The following DBT variants were observed in gnomAD, a reference collection of about 807,000 sequenced individuals.
The protein encoded by DBT is lipoamide acyltransferase component of branched-chain alpha-keto acid dehydrogenase complex, mitochondrial.
A neutral mutation model predicts 51.3 loss-of-function variants in DBT; 40 were observed. The observed-to-expected ratio is 0.78, with a 90% CI of 0.61 to 1.02. The LOEUF (loss-of-function observed/expected upper bound fraction) is 1.02. Among genes scored for constraint, DBT ranks in the 50% least tolerant of loss-of-function variants. DBT has a pLI of 0.00. For synonymous variants in DBT, 181 were observed against 190.4 expected (o/e 0.95, Z 0.41); for missense variants, 510 against 580.2 (o/e 0.88, Z 1.24).
chr1:100,244,818 A>C (rs1201307503), intron 1 of DBT, among the ~76,000 whole-genome samples: 1 of 152,156 alleles, frequency 6.6e-6, no homozygotes, highest in Admixed American at 6.5e-5. Flanking sequence ...TACTGTGCTC[A>C]CCTATTTTCA....
intron 8 of DBT, among the ~76,000 whole-genome samples, chr1:100,209,686 T>A (rs904411748): frequency 6.6e-6 from 1 of 152,096 alleles, no homozygotes; most frequent in Non-Finnish European, 1.5e-5. Flanking sequence ...CTCAGCCTCC[T>A]GAGTAGTTGG....
chr1:100,229,937 T>C (rs1193672519), intron 4 of DBT, among the ~76,000 whole-genome samples: 1 of 152,264 alleles, frequency 6.6e-6, no homozygotes, highest in Non-Finnish European at 1.5e-5. Flanking sequence ...CCATGGTTGC[T>C]GCTGCTTCTA....
At chr1:100,244,783 GTCTC>G (rs895724648) in intron 1 of DBT, among the ~76,000 whole-genome samples, 3 of 151,942 alleles carry the variant, frequency 2.0e-5, no homozygotes, top group Non-Finnish European at 2.9e-5. Context: ...TGTGAATGTG[GTCTC>G]TCTCTCAAAA....
intron 9 of DBT, 62 bp downstream of exon 9, chr1:100,206,383 T>G: frequency 6.4e-7 from 1 of 1,557,356 alleles, no homozygotes; most frequent in South Asian, 1.1e-5. Context: ...TTTCTATTTT[T>G]AATTAAGCAT....
At chr1:100,206,072 TAAA>T (rs35150096) in intron 10 of DBT, among the ~76,000 whole-genome samples, 155 bp downstream of exon 10, 33 of 124,846 alleles carry the variant, frequency 2.6e-4, no homozygotes, top group Non-Finnish European at 2.8e-4. Flanking sequence ...AACTTAAAGT[TAAA>T]AAAAAAAAAA....
chr1:100,199,621 G>C (rs1312926499), intron 10 of DBT, among the ~76,000 whole-genome samples: 1 of 152,158 alleles, frequency 6.6e-6, no homozygotes, highest in African/African-American at 2.4e-5. Flanking sequence ...GGCAGAACAG[G>C]AACAGCTCCG....
chr1:100,227,417 CA>C (rs1423114297), intron 4 of DBT, among the ~76,000 whole-genome samples: 439 of 10,486 alleles, frequency 0.042, 1 homozygote, highest in Middle Eastern at 0.25. Context: ...CAGATAGCCC[CA>C]ATACAGATAG....
In DBT at chr1:100,210,460, T is replaced by G. The variant is rs1662072726; in HGVS notation, c.1017+234A>C. The stretch of plus-strand genomic sequence containing the variant: ...CTGCCATACAGCTATGTATTTCCAT[T>G]ATTTTAAGCAGGAAAAAAAAAAGCT... On this transcript the variant is annotated intron_variant, in intron 8 of 10. Transcript: ENST00000370132. The G allele has an allele frequency of 6.6e-6, 3 of 454,686 alleles. No homozygotes were observed. In the South Asian group the frequency reaches 8.9e-5, roughly 13 times the overall value. 28.2% of individuals were successfully genotyped at this position (454,686 alleles called of 1,614,324 possible).
intron 1 of DBT, among the ~76,000 whole-genome samples, chr1:100,244,562 CT>C (rs1413683304): frequency 1.3e-5 from 2 of 152,140 alleles, no homozygotes; most frequent in Non-Finnish European, 2.9e-5. Flanking sequence ...CTCTTATCTC[CT>C]TATGTGCAGT....
intron 2 of DBT, among the ~76,000 whole-genome samples, chr1:100,238,384 G>A (rs942883769): frequency 1.4e-4 from 15 of 105,668 alleles, no homozygotes; most frequent in Admixed American, 5.1e-4. Context: ...TTCCAGTCCC[G>A]TCCCTTCCTC....
chr1:100,210,969 TA>T, intron 7 of DBT, 198 bp from the exon 8 acceptor site: 1 of 1,016,028 alleles, frequency 9.8e-7, no homozygotes, highest in South Asian at 1.5e-5. Flanking sequence ...CCCTAATCAT[TA>T]AAGAATAAAA....
intron 10 of DBT, among the ~76,000 whole-genome samples, chr1:100,203,711 T>G (rs1205522552): frequency 1.3e-5 from 2 of 152,200 alleles, no homozygotes; most frequent in Non-Finnish European, 2.9e-5. Flanking sequence ...AATAAAACAC[T>G]GGCAAACCGA....
Position 100,206,591 on chromosome 1 carries a change from T to C in DBT, c.1063A>G (p.Ile355Val). The change falls in exon 9 of 11, where the codon ATT becomes GTT. Residue 355 changes from isoleucine (I) to valine (V), a missense_variant. Coordinates refer to ENST00000370132, the MANE Select transcript of DBT (RefSeq NM_001918.5). ...TGAACATTTTTCACATTAGGGACAA[T>C]CAAACCCTGCTCAGTATCCATTGCT... is the stretch of plus-strand genomic sequence containing the variant. ...GIAMDTEQGL[I>V]VPNVKNVQIC... The C allele has an allele frequency of 6.2e-7, 1 of 1,612,716 alleles. No homozygotes were observed. Among genetic ancestry groups the C allele is most frequent in the South Asian group, 1.1e-5 (1 of 91,046 alleles).
intron 1 of DBT, among the ~76,000 whole-genome samples, chr1:100,242,648 A>G (rs1439489620): frequency 6.6e-6 from 1 of 152,182 alleles, no homozygotes; most frequent in Non-Finnish European, 1.5e-5. Context: ...TCTTTCCCAA[A>G]CATTTCCATT....
rs1486022139 is a variant in DBT at position 100,211,125 on chromosome 1, C to T, written c.940-354G>A. 15 of 778,786 alleles carry T rather than the reference C, an allele frequency of 1.9e-5. No homozygotes were observed. The East Asian group carries it at 3.6e-4, about 19-fold the overall frequency. The allele number at this position is 778,786 out of a possible 1,614,324, so 48.2% of individuals were successfully genotyped here. ...CTTAAGATTTCCATGAGAAGTAATA[C>T]TAGGAATCAAAACACAAAAAAAGCA... On this transcript the variant is annotated intron_variant, in intron 7 of 10. Coordinates refer to ENST00000370132, the MANE Select transcript of DBT (RefSeq NM_001918.5).
chr1:100,204,779 A>G (rs1308254381), intron 10 of DBT, among the ~76,000 whole-genome samples: 3 of 152,198 alleles, frequency 2.0e-5, no homozygotes, highest in African/African-American at 7.2e-5. Context: ...GGAACCGCAC[A>G]GGGGCCTCAG....
intron 1 of DBT, among the ~76,000 whole-genome samples, chr1:100,246,314 T>A (rs1337778105): frequency 6.6e-6 from 1 of 151,832 alleles, no homozygotes; most frequent in Non-Finnish European, 1.5e-5. Flanking sequence ...CAGAAGAACA[T>A]AAAGGGAAAT....
chr1:100,218,042 T>A (rs1255389340), intron 5 of DBT, among the ~76,000 whole-genome samples: 1 of 152,222 alleles, frequency 6.6e-6, no homozygotes, highest in Non-Finnish European at 1.5e-5. Flanking sequence ...GGAGCCACCC[T>A]GCCTGGCATT....
chr1:100,193,132 T>C lies in DBT; in HGVS notation c.*3123A>G, dbSNP rs548212429. On this transcript the variant is annotated 3_prime_UTR_variant, in exon 11 of 11. Coordinates refer to ENST00000370132, the MANE Select transcript of DBT (RefSeq NM_001918.5). ...TCAATGCATGAGACCAAAGAGAAGA[T>C]AGTAATACCCAAGGGTTGGAATAGA... The C allele has an allele frequency of 2.6e-5, 4 of 152,306 alleles. No individual in the cohort carries two copies. The highest frequency in any genetic ancestry group is 3.4e-3 in the Middle Eastern group (1 of 294). 9.4% of individuals were successfully genotyped at this position (152,306 alleles called of 1,614,324 possible). A position where few individuals can be genotyped will look rare whatever the true frequency, so the allele number is the denominator to read the frequency against.
Sources: gnomAD v4.1 joint callset for allele counts (sites outside exome capture counted in the v4.1 genomes callset) on GRCh38, gnomAD v4.1.1 for gene constraint, MANE v1.5 for transcripts, NCBI Gene and HGNC (gene_info 2026-07-23, HGNC 2026-07-21) for gene names.